Variants in ZNF217 observed in about 807,000 individuals in gnomAD.
ZNF217 encodes zinc finger protein 217.
Under a neutral mutation model 73.3 loss-of-function variants are expected in ZNF217, and 12 were observed. The observed-to-expected ratio is 0.16, with a 90% CI of 0.10 to 0.27. The LOEUF (loss-of-function observed/expected upper bound fraction) is 0.27. ZNF217 is among the 10% of genes least tolerant of loss of function. The pLI is 1.00. For synonymous variants in ZNF217, 588 were observed against 516.4 expected (o/e 1.14, Z -1.88); for missense variants, 1,195 against 1,327.8 (o/e 0.90, Z 1.55).
chr20:53,584,461 C>T (rs1988618177), intron 1 of ZNF217, among the ~76,000 whole-genome samples: 1 of 152,188 alleles, frequency 6.6e-6, no homozygotes, highest in African/African-American at 2.4e-5. Context: ...TAACATTAAG[C>T]TTTTCTAAAT....
At chr20:53,584,117 A>G (rs1177963667) in intron 1 of ZNF217, among the ~76,000 whole-genome samples, 2 of 152,208 alleles carry the variant, frequency 1.3e-5, no homozygotes, top group Admixed American at 6.5e-5. Context: ...TTTAGAAGCT[A>G]ATTTTCACTC....
intron 4 of ZNF217, chr20:53,575,465 C>A (rs938543072): frequency 1.4e-4 from 51 of 371,686 alleles, no homozygotes; most frequent in African/African-American, 1.0e-3. Context: ...GGAGCAAGAC[C>A]CTTTCTCTAA....
rs754618496 is a variant in ZNF217, at chr20:53,571,712, T to TA, written c.*23+8dup. On this transcript the variant is annotated intron_variant, in intron 5 of 5. Transcript: ENST00000371471. ...CAATCCAGTGTTTTTAATTGAAACA[T>TA]ATGCTCACCTTTTTTCCCCCTAATT... 9 of 1,607,862 alleles carry TA rather than the reference T, an allele frequency of 5.6e-6. No individual in the cohort carries two copies. Among genetic ancestry groups the TA allele is most frequent in the Non-Finnish European group, 7.6e-6 (9 of 1,178,010 alleles).
intron 1 of ZNF217, among the ~76,000 whole-genome samples, chr20:53,589,754 G>T (rs1988817073): frequency 1.3e-5 from 2 of 152,162 alleles, no homozygotes; most frequent in Non-Finnish European, 2.9e-5. Flanking sequence ...GAGCATTTCA[G>T]AAAAGTTTTT....
At chr20:53,570,157 C>A (rs527615192) in intron 5 of ZNF217, 2 of 152,496 alleles carry the variant, frequency 1.3e-5, no homozygotes, top group Non-Finnish European at 2.9e-5. Flanking sequence ...TTACTAAAAT[C>A]TGCTCCTCAT....
At position 53,581,695 on chromosome 20, in the gene ZNF217, A is replaced by G. The variant is rs1327817336; in HGVS notation, c.1132T>C (p.Ser378Pro). ...PSSKEKPTHC[S>P]ECGKAFRTYH... ...GTTCTGAAAGCTTTGCCGCACTCGG[A>G]GCAGTGAGTGGGCTTCTCCTTGCTA... The change falls in exon 2 of 6, where the codon TCC becomes CCC. Residue 378 changes from serine (S) to proline (P), a missense_variant. Physicochemically the swap from Ser to Pro is moderately conservative, Grantham distance 74 (BLOSUM62 -1). Coordinates refer to ENST00000371471, the MANE Select transcript of ZNF217 (RefSeq NM_006526.3). The surrounding 1 kb of genome is among the most constrained non-coding windows in gnomAD (Gnocchi z 4.9). The G allele has an allele frequency of 6.2e-7, 1 of 1,614,192 alleles. No homozygotes were observed.
chr20:53,573,432 C>T (rs1226633108), intron 4 of ZNF217, among the ~76,000 whole-genome samples: 1 of 152,012 alleles, frequency 6.6e-6, no homozygotes, highest in Admixed American at 6.6e-5. Context: ...TATTCACATC[C>T]TCCCATATAC....
At chr20:53,586,740 T>G (rs1467870964) in intron 1 of ZNF217, among the ~76,000 whole-genome samples, 1 of 152,236 alleles carries the variant, frequency 6.6e-6, no homozygotes, top group East Asian at 1.9e-4. Flanking sequence ...ATAGAAATTC[T>G]AATCTACTAA....
intron 1 of ZNF217, among the ~76,000 whole-genome samples, chr20:53,583,596 C>T (rs989516972): frequency 1.3e-5 from 2 of 152,156 alleles, no homozygotes; most frequent in Admixed American, 1.3e-4. Flanking sequence ...ATTTTAAATC[C>T]AGTGTATACA....
intron 4 of ZNF217, among the ~76,000 whole-genome samples, chr20:53,573,657 C>A (rs563019217): frequency 1.3e-5 from 2 of 152,272 alleles, no homozygotes; most frequent in Admixed American, 1.3e-4. Context: ...CGGGGTTTCA[C>A]CATGTTGACC....
chr20:53,594,211 C>T (rs1248016994), upstream of ZNF217, among the ~76,000 whole-genome samples: 2 of 151,756 alleles, frequency 1.3e-5, no homozygotes, highest in African/African-American at 4.8e-5. Context: ...CGGGGGGTCC[C>T]TAGAGCCGCC....
Position 53,581,749 on chromosome 20 carries a change from A to G in ZNF217, c.1078T>C (p.Ser360Pro). The G allele has an allele frequency of 6.2e-7, 1 of 1,614,178 alleles. No homozygotes were observed. Among genetic ancestry groups the G allele is most frequent in the Non-Finnish European group, 8.5e-7 (1 of 1,180,028 alleles). ...KCKHSHGEAP[S>P]VDADPKLPSS... ...GGTAACTTGGGATCCGCGTCCACGG[A>G]GGGCGCTTCGCCGTGGGAGTGTTTG... is the stretch of plus-strand genomic sequence containing the variant. Residue 360 changes from serine to proline, a missense_variant, in exon 2 of 6, where the codon TCC (serine) becomes CCC (proline). Physicochemically the swap from Ser to Pro is moderately conservative, Grantham distance 74. Transcript: ENST00000371471. The surrounding 1 kb of genome is among the most constrained non-coding windows in gnomAD (Gnocchi z 4.9).
chr20:53,584,095 T>C (rs1182736572), intron 1 of ZNF217, among the ~76,000 whole-genome samples: 2 of 152,264 alleles, frequency 1.3e-5, no homozygotes, highest in African/African-American at 4.8e-5. Context: ...TATTTAGCTC[T>C]GCTGCTTCTG....
At chr20:53,594,225 G>A (rs1327845016), upstream of ZNF217, among the ~76,000 whole-genome samples, 1 of 151,820 alleles carries the variant, frequency 6.6e-6, no homozygotes, top group Non-Finnish European at 1.5e-5. Context: ...AGCCGCCGGG[G>A]CGCGGCGCGT....
chr20:53,575,681 A>T (rs1223281780), intron 4 of ZNF217, 46 bp downstream of exon 4: 2 of 1,493,640 alleles, frequency 1.3e-6, no homozygotes, highest in Non-Finnish European at 1.8e-6. Context: ...ATTAGCTATT[A>T]ATCACTGTAG....
intron 3 of ZNF217, among the ~76,000 whole-genome samples, 171 bp downstream of exon 3, chr20:53,578,163 C>G (rs150163427): frequency 0.011 from 1,743 of 152,166 alleles, 33 homozygotes; most frequent in African/African-American, 0.039. Context: ...AACAATGGCT[C>G]AAGTTACAAT....
At position 53,576,059 on chromosome 20, in the gene ZNF217, T is replaced by A; in HGVS notation, c.2705A>T (p.Asn902Ile). The A allele has an allele frequency of 6.2e-7, 1 of 1,614,206 alleles. No individual in the cohort carries two copies. The highest frequency in any genetic ancestry group is 8.5e-7 in the Non-Finnish European group (1 of 1,180,028). ...TGCTGCAGTATTGCTGGCACTCCGA[T>A]TACAGAAATAGTCTCTTCCCGGAGG... is the stretch of plus-strand genomic sequence containing the variant. ...WAPPGRDYFC[N>I]RSASNTAAEF... is the part of the protein sequence containing the mutation. Residue 902 changes from asparagine to isoleucine, a missense_variant, in exon 4 of 6, where the codon AAT becomes ATT. Transcript: ENST00000371471.
At chr20:53,585,628 T>C (rs2904369) in intron 1 of ZNF217, among the ~76,000 whole-genome samples, 4 of 152,170 alleles carry the variant, frequency 2.6e-5, no homozygotes, top group African/African-American at 9.7e-5. Flanking sequence ...TATTTATTAA[T>C]AGAAAGATGT....
intron 5 of ZNF217, among the ~76,000 whole-genome samples, chr20:53,569,723 TAGG>T (rs1022027792): frequency 6.6e-6 from 1 of 152,144 alleles, no homozygotes; most frequent in African/African-American, 2.4e-5. Flanking sequence ...ATGAAAGTAT[TAGG>T]AGAATGACTA....
Sources: allele counts gnomAD v4.1 joint callset (sites outside exome capture counted in the v4.1 genomes callset), GRCh38; gene constraint gnomAD v4.1.1; non-coding constraint Gnocchi (gnomAD v3.1); transcripts MANE v1.5; gene names NCBI Gene and HGNC (gene_info 2026-07-23, HGNC 2026-07-21).